PAX2: variants seen among roughly 807,000 people sequenced by gnomAD.
PAX2 encodes paired box 2.
PAX2 carries 9 observed loss-of-function variants against 41.7 expected under a neutral mutation model. The ratio of observed to expected loss-of-function variants is 0.22; its 90% confidence interval spans 0.13 to 0.38. The LOEUF (loss-of-function observed/expected upper bound fraction) is 0.38. Ranked by LOEUF, PAX2 falls within the 10% of genes least tolerant of loss-of-function variation. The pLI is 1.00. For synonymous variants in PAX2, 221 were observed against 212.7 expected (o/e 1.04, Z -0.34); for missense variants, 418 against 531.6 (o/e 0.79, Z 2.10).
At chr10:100,780,428 G>A (rs1479713301) in intron 4 of PAX2, among the ~76,000 whole-genome samples, 1 of 152,122 alleles carries the variant, frequency 6.6e-6, no homozygotes, top group Non-Finnish European at 1.5e-5. Flanking sequence ...TGCTCCTCTT[G>A]GCAGTTGTCT....
chr10:100,768,980 G>A (rs1016572477), intron 3 of PAX2, among the ~76,000 whole-genome samples: 5 of 152,174 alleles, frequency 3.3e-5, no homozygotes, highest in Non-Finnish European at 7.4e-5. Context: ...TGAAATAAAC[G>A]ATAGTTATTG....
chr10:100,775,670 C>T (rs899861794), intron 3 of PAX2, among the ~76,000 whole-genome samples: 7 of 152,228 alleles, frequency 4.6e-5, no homozygotes, highest in Non-Finnish European at 1.0e-4. Context: ...CAGCCCCACC[C>T]CTGGGGTTCC....
rs149524533 is a variant in PAX2, at chr10:100,760,237, C to A, written c.410+9346C>A. The stretch of plus-strand genomic sequence containing the variant: ...CAGGGAACTCTCGAAAGGAGTCAGT[C>A]TTGTCAAACTGGGAGTTGGTGGTTT... On this transcript the variant is annotated intron_variant, in intron 3 of 9. Coordinates refer to ENST00000355243, the MANE Select transcript of PAX2 (RefSeq NM_000278.5). 4.8e-3 allele frequency among the ~76,000 whole-genome samples: 725 copies of A among 152,260 alleles called. 4 individuals carry two copies. Among genetic ancestry groups the A allele is most frequent in the African/African-American group, 0.017 (695 of 41,530 alleles).
upstream of PAX2, among the ~76,000 whole-genome samples, chr10:100,744,355 T>C (rs2133819364): frequency 6.6e-6 from 1 of 152,312 alleles, no homozygotes. Flanking sequence ...AAACATCAGC[T>C]GAAGTGCCAA....
In PAX2 at chr10:100,805,023, T is replaced by TCTCTCTCTCTCTC. The variant is rs1847720204; in HGVS notation, c.617-1407_617-1406insCTCTCTCTCTCTC. Among the ~76,000 whole-genome samples the TCTCTCTCTCTCTC allele has an allele frequency of 1.1e-3, 104 of 95,014 alleles. 2 individuals are homozygous for TCTCTCTCTCTCTC. The highest frequency in any genetic ancestry group is 4.3e-3 in the African/African-American group (97 of 22,354). The allele number at this position is 95,014 out of a possible 152,430, so 62.3% of individuals were successfully genotyped here. A position where few individuals can be genotyped will look rare whatever the true frequency, so the allele number is the denominator to read the frequency against. ...CTTCTCTCTCTCTCTCTCTCTCACA[T>TCTCTCTCTCTCTC]ACACACACACACACACACACACACA... On this transcript the variant is annotated intron_variant, in intron 5 of 9. Coordinates refer to ENST00000355243, the MANE Select transcript of PAX2 (RefSeq NM_000278.5).
intron 5 of PAX2, among the ~76,000 whole-genome samples, chr10:100,795,445 A>G (rs1673712760): frequency 6.6e-6 from 1 of 152,240 alleles, no homozygotes; most frequent in African/African-American, 2.4e-5. Context: ...GCTTCCACTC[A>G]GGGCAACTAG....
At chr10:100,749,239 G>A in intron 1 of PAX2, 2 of 990,732 alleles carry the variant, frequency 2.0e-6, no homozygotes, top group Non-Finnish European at 2.4e-6. Context: ...CTTATCCCCT[G>A]TCTGTGCTAG....
At chr10:100,759,465 G>C (rs990370360) in intron 3 of PAX2, among the ~76,000 whole-genome samples, 13 of 152,178 alleles carry the variant, frequency 8.5e-5, no homozygotes, top group Admixed American at 7.8e-4. Flanking sequence ...TGGAGAGGGA[G>C]AGTAGGAGAG....
intron 5 of PAX2, among the ~76,000 whole-genome samples, chr10:100,800,973 A>G (rs1027691520): frequency 4.6e-5 from 7 of 152,236 alleles, no homozygotes; most frequent in African/African-American, 1.7e-4. Context: ...TTGGGAAGTA[A>G]CCACTGTCAC....
chr10:100,754,574 T>C (rs1192617302), intron 3 of PAX2, among the ~76,000 whole-genome samples: 1 of 152,238 alleles, frequency 6.6e-6, no homozygotes, highest in African/African-American at 2.4e-5. Context: ...CCTGTATCAT[T>C]TGGGTGTCCC....
chr10:100,746,084 G>A lies in PAX2; in HGVS notation c.-177G>A, dbSNP rs1589805818. On this transcript the variant is annotated 5_prime_UTR_variant, in exon 1 of 10. Coordinates refer to ENST00000355243, the MANE Select transcript of PAX2 (RefSeq NM_000278.5). ...GTTGCAAGCTCCGGCCAACCCGGAG[G>A]AGCCCCAGCGGGGAGCGCAGTGCTG... 11 of 1,503,174 alleles carry A rather than the reference G, an allele frequency of 7.3e-6. No homozygotes were observed. The East Asian group carries it at 2.5e-4, about 35-fold the overall frequency. 93.1% of individuals were successfully genotyped at this position (1,503,174 alleles called of 1,614,324 possible). A position where few individuals can be genotyped will look rare whatever the true frequency, so the allele number is the denominator to read the frequency against.
intron 3 of PAX2, among the ~76,000 whole-genome samples, chr10:100,778,993 C>A (rs1288560944): frequency 6.6e-6 from 1 of 152,164 alleles, no homozygotes; most frequent in Non-Finnish European, 1.5e-5. Context: ...GGCTACTTCT[C>A]ATTCTTTCAG....
At chr10:100,771,416 A>T (rs1440584689) in intron 3 of PAX2, among the ~76,000 whole-genome samples, 1 of 152,248 alleles carries the variant, frequency 6.6e-6, no homozygotes, top group Non-Finnish European at 1.5e-5. Context: ...CCCAAACTGC[A>T]GCCAGAGGCT....
Position 100,826,651 on chromosome 10 carries a change from G to A in PAX2, c.1022-358G>A, listed in dbSNP as rs1417501684. On this transcript the variant is annotated intron_variant, in intron 8 of 9. Coordinates refer to ENST00000355243, the MANE Select transcript of PAX2 (RefSeq NM_000278.5). The surrounding 1 kb of genome is among the most constrained non-coding windows in gnomAD (Gnocchi z 5.5). ...ATTAGGGGCCATGCCTCCTAGAACC[G>A]GAGTGGCATCTATAAAGGCCCTGGC... is the stretch of plus-strand genomic sequence containing the variant. 1.3e-5 allele frequency among the ~76,000 whole-genome samples: 2 copies of A among 152,214 alleles called. No homozygotes were observed. Among genetic ancestry groups the A allele is most frequent in the Admixed American group, 6.5e-5 (1 of 15,292 alleles).
intron 3 of PAX2, among the ~76,000 whole-genome samples, chr10:100,777,690 C>T (rs563276737): frequency 3.9e-5 from 6 of 152,228 alleles, no homozygotes; most frequent in Non-Finnish European, 7.3e-5. Flanking sequence ...CCACTGCACC[C>T]AGCCAGTAGT....
intron 3 of PAX2, among the ~76,000 whole-genome samples, chr10:100,753,238 T>G (rs73347607): frequency 0.11 from 17,394 of 152,192 alleles, 3,082 homozygotes; most frequent in African/African-American, 0.38. Context: ...TTTGCTTTTG[T>G]CCAGAATCCT....
At chr10:100,766,492 C>T (rs903492627) in intron 3 of PAX2, among the ~76,000 whole-genome samples, 1 of 152,186 alleles carries the variant, frequency 6.6e-6, no homozygotes, top group Admixed American at 6.5e-5. Context: ...AGTTTACTCC[C>T]GTCCATCCTC....
chr10:100,800,109 T>A (rs1417736592), intron 5 of PAX2, among the ~76,000 whole-genome samples: 1 of 152,088 alleles, frequency 6.6e-6, no homozygotes, highest in Non-Finnish European at 1.5e-5. Flanking sequence ...TTCTTTGCTA[T>A]ACTTAAATTC....
At chr10:100,767,470 A>G (rs1215332418) in intron 3 of PAX2, among the ~76,000 whole-genome samples, 1 of 152,150 alleles carries the variant, frequency 6.6e-6, no homozygotes, top group Non-Finnish European at 1.5e-5. Context: ...GCTGTTAGTG[A>G]AAATGACAGA....
Sources: gnomAD v4.1 joint callset for allele counts (sites outside exome capture counted in the v4.1 genomes callset) on GRCh38, gnomAD v4.1.1 for gene constraint, Gnocchi (gnomAD v3.1) non-coding constraint, MANE v1.5 for transcripts, NCBI Gene and HGNC (gene_info 2026-07-23, HGNC 2026-07-21) for gene names.